The following TPCN1 variants were observed in gnomAD, a reference collection of about 807,000 sequenced individuals.
The protein encoded by TPCN1 is two pore channel protein 1.
A neutral mutation model predicts 108.8 loss-of-function variants in TPCN1; 52 were observed. The observed-to-expected ratio is 0.48, with a 90% confidence interval of 0.38 to 0.60. The LOEUF (loss-of-function observed/expected upper bound fraction) is 0.60, where lower values mean the gene tolerates loss of function less well. Among genes scored for constraint, TPCN1 ranks in the 20% least tolerant of loss-of-function variants. The pLI, the probability that TPCN1 is intolerant of heterozygous loss-of-function variation, is 0.00. For missense variants in TPCN1, 806 were observed against 1,072.8 expected, an observed-to-expected ratio of 0.75 and a Z score of 3.47; for synonymous variants, 446 against 433.7, an observed-to-expected ratio of 1.03 and a Z score of -0.35.
chr12:113,226,588 A>T, intron 1 of TPCN1, 140 bp from the exon 2 acceptor site: 2 of 753,676 alleles, frequency 2.7e-6, no homozygotes, highest in South Asian at 4.0e-5. Context: ...GCCCTAGTTC[A>T]CCATTTTAAA....
chr12:113,260,076 A>T (rs572889105), intron 2 of TPCN1, among the ~76,000 whole-genome samples: 1 of 152,186 alleles, frequency 6.6e-6, no homozygotes, highest in Non-Finnish European at 1.5e-5. Context: ...TTTGGTAAAG[A>T]TAAGTCGATG....
chr12:113,290,076 G>T, intron 21 of TPCN1, 52 bp from the exon 22 acceptor site: 1 of 1,181,554 alleles, frequency 8.5e-7, no homozygotes, highest in Non-Finnish European at 1.2e-6. Context: ...CTCTCTGGAG[G>T]TGACTGATCG....
chr12:113,288,858 C>G lies in TPCN1; in HGVS notation c.1796+11C>G, dbSNP rs1256529196. ...CCCCAACTGCTGCAAGTGAGTAGGC[C>G]CCACCCAGCCCCAGGCAGCCTGCAT... On this transcript the variant is annotated intron_variant, in intron 21 of 27. Coordinates refer to ENST00000335509, the MANE Select transcript of TPCN1 (RefSeq NM_017901.6). This position sits in a 1 kb window ranked among gnomAD's most constrained non-coding sequence, Gnocchi z 4.8. The G allele has an allele frequency of 1.9e-6, 3 of 1,612,708 alleles. No individual in the cohort carries two copies. Among genetic ancestry groups the G allele is most frequent in the Non-Finnish European group, 2.5e-6 (3 of 1,179,700 alleles).
intron 17 of TPCN1, among the ~76,000 whole-genome samples, chr12:113,285,499 A>G (rs559605472): frequency 5.2e-4 from 79 of 152,230 alleles, no homozygotes; most frequent in Non-Finnish European, 9.4e-4. Flanking sequence ...CAGCCTCCCA[A>G]GTAGCTGGGA....
At chr12:113,246,099 G>A (rs568539337) in intron 2 of TPCN1, 12 of 451,456 alleles carry the variant, frequency 2.7e-5, no homozygotes, top group Middle Eastern at 3.3e-4. Context: ...TCTGCACCGG[G>A]ATGTCTCTCC....
At chr12:113,241,711 A>G (rs1954131505) in intron 2 of TPCN1, among the ~76,000 whole-genome samples, 1 of 151,838 alleles carries the variant, frequency 6.6e-6, no homozygotes, top group Non-Finnish European at 1.5e-5. Context: ...AGATGTTCGC[A>G]CAGGTGCTGT....
chr12:113,284,910 G>A lies in TPCN1; in HGVS notation c.1453+139G>A, dbSNP rs554994083. 31 of 994,150 alleles carry A rather than the reference G, an allele frequency of 3.1e-5. No homozygotes were observed. In the African/African-American group the frequency reaches 3.4e-4, roughly 11 times the overall value. The allele number at this position is 994,150 out of a possible 1,614,324, so 61.6% of individuals were successfully genotyped here. A position where few individuals can be genotyped will look rare whatever the true frequency, so the allele number is the denominator to read the frequency against. On this transcript the variant is annotated intron_variant, in intron 17 of 27. Transcript: ENST00000335509. The surrounding 1 kb of genome is among the most constrained non-coding windows in gnomAD (Gnocchi z 4.1). ...GGAGTAATCAGTCTGATTCCATCTC[G>A]TCCCCGTTTAAAACTCTTTCGTGGT...
intron 15 of TPCN1, among the ~76,000 whole-genome samples, chr12:113,281,176 G>A (rs1195900185): frequency 6.6e-6 from 1 of 152,104 alleles, no homozygotes; most frequent in Non-Finnish European, 1.5e-5. Context: ...GAGTAGCTGG[G>A]ATTACAGGTG....
At chr12:113,271,395 CT>C (rs1955495151) in intron 7 of TPCN1, among the ~76,000 whole-genome samples, 7 of 152,208 alleles carry the variant, frequency 4.6e-5, no homozygotes, top group Admixed American at 3.9e-4. Flanking sequence ...GTGATTCCCG[CT>C]TTCCCCAAAG....
chr12:113,225,466 T>C, intron 1 of TPCN1: 1 of 260,424 alleles, frequency 3.8e-6, no homozygotes, highest in East Asian at 1.3e-4. Flanking sequence ...TACCCTTAAC[T>C]TTTCAGTATT....
At chr12:113,227,092 G>A (rs923070242) in intron 2 of TPCN1, 128 bp downstream of exon 2, 35 of 737,868 alleles carry the variant, frequency 4.7e-5, no homozygotes, top group Non-Finnish European at 6.9e-5. Flanking sequence ...TGAGCCCCAA[G>A]TTCTGATACA....
Position 113,272,537 on chromosome 12 carries a change from G to A in TPCN1, c.749-121G>A, listed in dbSNP as rs1955538130. ...TCTCAGGGTGCTGTGGTCCCCAGCA[G>A]TCCCTGCTGCTCTTCCTGACCTGCT... On this transcript the variant is annotated intron_variant, in intron 7 of 27. Coordinates refer to ENST00000335509, the MANE Select transcript of TPCN1 (RefSeq NM_017901.6). This position sits in a 1 kb window ranked among gnomAD's most constrained non-coding sequence, Gnocchi z 4.1. 4 of 917,630 alleles carry A rather than the reference G, an allele frequency of 4.4e-6. No homozygotes were observed. The East Asian group carries it at 7.2e-5, about 16-fold the overall frequency. 56.8% of individuals were successfully genotyped at this position (917,630 alleles called of 1,614,324 possible).
rs564768300 is a variant in TPCN1 at position 113,231,078 on chromosome 12, G to A, written c.112+4114G>A. Among the ~76,000 whole-genome samples the A allele has an allele frequency of 9.7e-4, 148 of 152,350 alleles. No homozygotes were observed. The highest frequency in any genetic ancestry group is 1.1e-3 in the Non-Finnish European group (74 of 68,036). On this transcript the variant is annotated intron_variant, in intron 2 of 27. Coordinates refer to ENST00000335509, the MANE Select transcript of TPCN1 (RefSeq NM_017901.6). The surrounding 1 kb of genome is among the most constrained non-coding windows in gnomAD (Gnocchi z 4.3). ...ATCCGCGGAGTTGGCAACGACATGAGCATGGGCTACTGGGAACGAAGCAAG... is the reference window on the plus strand; with the variant it reads ...ATCCGCGGAGTTGGCAACGACATGAACATGGGCTACTGGGAACGAAGCAAG...
chr12:113,283,367 G>T (rs1027082086), intron 15 of TPCN1, among the ~76,000 whole-genome samples: 6 of 152,124 alleles, frequency 3.9e-5, no homozygotes, highest in African/African-American at 1.4e-4. Flanking sequence ...GGGTGTGGTG[G>T]CTCACACCTG....
At chr12:113,287,344 C>T in intron 19 of TPCN1, 1 of 499,814 alleles carries the variant, frequency 2.0e-6, no homozygotes, top group East Asian at 3.4e-5. Context: ...CATGTGCACC[C>T]CACCTGAGGT....
chr12:113,282,016 G>A (rs192953642), intron 15 of TPCN1, among the ~76,000 whole-genome samples: 3 of 149,178 alleles, frequency 2.0e-5, no homozygotes, highest in African/African-American at 7.5e-5. Context: ...TGCCTCCCAG[G>A]TTCAAGCAAT....
intron 3 of TPCN1, among the ~76,000 whole-genome samples, chr12:113,260,955 G>A (rs1955008023): frequency 6.6e-6 from 1 of 151,956 alleles, no homozygotes; most frequent in Non-Finnish European, 1.5e-5. Context: ...CACTTTGGGA[G>A]GCCAAGGCCT....
intron 2 of TPCN1, among the ~76,000 whole-genome samples, chr12:113,246,970 G>T (rs1394890855): frequency 6.6e-6 from 1 of 152,178 alleles, no homozygotes; most frequent in East Asian, 1.9e-4. Context: ...AGATGCGAGT[G>T]CCAGTCATTG....
Position 113,291,865 on chromosome 12 carries a change from C to A in TPCN1, c.2029-9C>A. On this transcript the variant is annotated splice_polypyrimidine_tract_variant and intron_variant, in intron 24 of 27. Transcript: ENST00000335509. ...CTGCCTCTGCCCCTCCCTCCCTATC[C>A]CTGGCCAGGTGGTGATGACGATCAT... 2 of 1,612,892 alleles carry A rather than the reference C, an allele frequency of 1.2e-6. No individual in the cohort carries two copies. Among genetic ancestry groups the A allele is most frequent in the Non-Finnish European group, 1.7e-6 (2 of 1,178,894 alleles).
Sources: allele counts gnomAD v4.1 joint callset (sites outside exome capture counted in the v4.1 genomes callset), GRCh38; gene constraint gnomAD v4.1.1; non-coding constraint Gnocchi (gnomAD v3.1); transcripts MANE v1.5; gene names NCBI Gene and HGNC (gene_info 2026-07-23, HGNC 2026-07-21).